CALD1: variants seen among roughly 807,000 people sequenced by gnomAD.
The protein encoded by CALD1 is caldesmon.
Under a neutral mutation model 99.9 loss-of-function variants are expected in CALD1, and 33 were observed. That is an observed-to-expected ratio of 0.33 (90% confidence interval 0.25 to 0.44). The LOEUF is 0.44. Among genes scored for constraint, CALD1 ranks in the 20% least tolerant of loss-of-function variants. The probability of loss-of-function intolerance (pLI) is 1.00; values close to 1 mark genes in which losing one functional copy is unlikely to be tolerated. For missense variants in CALD1, 861 were observed against 962.1 expected (o/e 0.89, Z 1.39); for synonymous variants, 310 against 325.0 (o/e 0.95, Z 0.50).
At chr7:134,879,039 G>A (rs10230073) in intron 3 of CALD1, among the ~76,000 whole-genome samples, 41,302 of 152,124 alleles carry the variant, frequency 0.27, 5,980 homozygotes, top group African/African-American at 0.37. Context: ...TTTGCCCTAT[G>A]GTTTTCTCAT....
At chr7:134,927,683 C>A (rs1416654689) in intron 3 of CALD1, among the ~76,000 whole-genome samples, 1 of 150,952 alleles carries the variant, frequency 6.6e-6, no homozygotes, top group Non-Finnish European at 1.5e-5. Flanking sequence ...ATGTGCCCAG[C>A]ATGTGGGTGG....
At chr7:134,853,628 T>C (rs983109690) in intron 2 of CALD1, among the ~76,000 whole-genome samples, 2 of 152,238 alleles carry the variant, frequency 1.3e-5, no homozygotes. Context: ...GAAGGCAGAA[T>C]AGCTGCATTC....
chr7:134,795,279 A>G lies in CALD1; in HGVS notation c.-130+15530A>G, dbSNP rs143611936. 6.9e-3 allele frequency among the ~76,000 whole-genome samples: 1,057 copies of G among 152,154 alleles called. 22 individuals carry two copies. Among genetic ancestry groups the G allele is most frequent in the African/African-American group, 0.024 (996 of 41,494 alleles). The stretch of plus-strand genomic sequence containing the variant: ...AGTGGGAGGTAATTGAATCATGGGG[A>G]TGGGTCTCTCCCATGCTGTCCTCAT... On this transcript the variant is annotated intron_variant, in intron 1 of 14. Coordinates refer to ENST00000361675, the MANE Select transcript of CALD1 (RefSeq NM_033138.4).
At chr7:134,852,996 G>A (rs1800142079) in intron 2 of CALD1, among the ~76,000 whole-genome samples, 1 of 152,144 alleles carries the variant, frequency 6.6e-6, no homozygotes, top group Non-Finnish European at 1.5e-5. Context: ...GCATATTTCT[G>A]CTTGATGGCG....
chr7:134,753,923 A>G (rs969711135), intron 1 of CALD1, among the ~76,000 whole-genome samples: 5 of 152,176 alleles, frequency 3.3e-5, no homozygotes, highest in African/African-American at 1.2e-4. Flanking sequence ...AAGCTCCCCT[A>G]GCTGCATTGA....
intron 1 of CALD1, among the ~76,000 whole-genome samples, chr7:134,770,700 A>G (rs183582767): frequency 1.3e-5 from 2 of 152,200 alleles, no homozygotes; most frequent in Admixed American, 1.3e-4. Context: ...CCTATTTCCA[A>G]ATAAGGTCCT....
At chr7:134,960,816 G>T in intron 13 of CALD1, 188 bp downstream of exon 13, 1 of 518,298 alleles carries the variant, frequency 1.9e-6, no homozygotes, top group Non-Finnish European at 3.5e-6. Context: ...GTTACTCAGA[G>T]GGTAAAATGG....
At chr7:134,788,053 T>A (rs1466425200) in intron 1 of CALD1, among the ~76,000 whole-genome samples, 1 of 152,196 alleles carries the variant, frequency 6.6e-6, no homozygotes, top group Non-Finnish European at 1.5e-5. Context: ...AAACTCATAC[T>A]GGCTCCCAAA....
At chr7:134,913,886 T>C (rs1804008325) in intron 3 of CALD1, among the ~76,000 whole-genome samples, 1 of 152,200 alleles carries the variant, frequency 6.6e-6, no homozygotes, top group South Asian at 2.1e-4. Context: ...CTGGCTCAGA[T>C]GACTGAAGCT....
chr7:134,893,931 T>C (rs1802380544), intron 3 of CALD1, among the ~76,000 whole-genome samples: 1 of 152,148 alleles, frequency 6.6e-6, no homozygotes, highest in Non-Finnish European at 1.5e-5. Flanking sequence ...TGAATCTGTG[T>C]TTTGTACATA....
chr7:134,778,629 T>C (rs1399684830), upstream of CALD1, among the ~76,000 whole-genome samples: 1 of 152,228 alleles, frequency 6.6e-6, no homozygotes, highest in Non-Finnish European at 1.5e-5. Flanking sequence ...TTAATTCTCA[T>C]TAGCATCTAC....
At chr7:134,938,279 A>G (rs76685659) in intron 6 of CALD1, among the ~76,000 whole-genome samples, 8 of 152,354 alleles carry the variant, frequency 5.3e-5, no homozygotes, top group South Asian at 2.1e-4. Context: ...GGAACCAAAT[A>G]ATGCAAAATA....
Position 134,915,492 on chromosome 7 carries a change from C to A in CALD1, c.72-13262C>A, listed in dbSNP as rs183137948. 4.0e-3 allele frequency among the ~76,000 whole-genome samples: 605 copies of A among 152,238 alleles called. 5 individuals carry two copies. The highest frequency in any genetic ancestry group is 0.014 in the African/African-American group (564 of 41,532). ...TGATCTAGTCAGAAGACAGCATAAG[C>A]CTTATTGGTTAGTAAACTAATCTAA... On this transcript the variant is annotated intron_variant, in intron 3 of 14. Transcript: ENST00000361675.
At chr7:134,943,717 A>G (rs1193154283) in intron 7 of CALD1, among the ~76,000 whole-genome samples, 1 of 152,200 alleles carries the variant, frequency 6.6e-6, no homozygotes, top group Non-Finnish European at 1.5e-5. Context: ...TAGCAGTAAC[A>G]CTTTTTCCAG....
Position 134,901,917 on chromosome 7 carries a change from T to A in CALD1, c.72-26837T>A, listed in dbSNP as rs144615822. Among the ~76,000 whole-genome samples the A allele has an allele frequency of 2.6e-5, 4 of 152,208 alleles. No individual in the cohort carries two copies. In the East Asian group the frequency reaches 5.8e-4, roughly 22 times the overall value. On this transcript the variant is annotated intron_variant, in intron 3 of 14. Coordinates refer to ENST00000361675, the MANE Select transcript of CALD1 (RefSeq NM_033138.4). ...TCATCTTGATTACATCTGCAAATAT[T>A]CTGTTTCCAAATCAGGTCACATCCT...
At chr7:134,791,632 G>A (rs1797536986) in intron 1 of CALD1, among the ~76,000 whole-genome samples, 2 of 152,044 alleles carry the variant, frequency 1.3e-5, no homozygotes, top group African/African-American at 2.4e-5. Context: ...ATAATCCGAA[G>A]AGGCATCACT....
intron 1 of CALD1, among the ~76,000 whole-genome samples, chr7:134,767,717 GTC>G (rs1414664179): frequency 2.6e-5 from 4 of 152,186 alleles, no homozygotes; most frequent in African/African-American, 9.7e-5. Flanking sequence ...GAGCCAAATG[GTC>G]TCTCTCAGGA....
At chr7:134,726,497 T>A in the CALD1 span, among the ~76,000 whole-genome samples, 1 of 133,992 alleles carries the variant, frequency 7.5e-6, no homozygotes, top group East Asian at 2.0e-4. Flanking sequence ...TTATATAGCT[T>A]TAGATATATA....
At chr7:134,716,802 T>C in the CALD1 span, among the ~76,000 whole-genome samples, 1 of 152,250 alleles carries the variant, frequency 6.6e-6, no homozygotes, top group African/African-American at 2.4e-5. Context: ...TAGACTTTGA[T>C]GTGTGATATG....
Sources: gnomAD v4.1 joint callset for allele counts (sites outside exome capture counted in the v4.1 genomes callset) on GRCh38, gnomAD v4.1.1 for gene constraint, MANE v1.5 for transcripts, NCBI Gene and HGNC (gene_info 2026-07-23, HGNC 2026-07-21) for gene names.